AFF1: variants seen among roughly 807,000 people sequenced by gnomAD.
AFF1 encodes the protein AF4/FMR2 family member 1.
In AFF1, 48 loss-of-function variants were observed where a neutral mutation model predicts 121.7. The ratio of observed to expected loss-of-function variants is 0.39; its 90% CI spans 0.31 to 0.50. The LOEUF is 0.50. Among genes scored for constraint, AFF1 ranks in the 20% least tolerant of loss-of-function variants. The pLI is 0.76. For synonymous variants in AFF1, 613 were observed against 563.0 expected (o/e 1.09, Z -1.26); for missense variants, 1,523 against 1,511.7 (o/e 1.01, Z -0.12).
intron 1 of AFF1, among the ~76,000 whole-genome samples, chr4:86,946,523 C>T (rs996220654): frequency 7.4e-6 from 1 of 135,324 alleles, no homozygotes; most frequent in East Asian, 2.3e-4. Flanking sequence ...AGTAGAGTAG[C>T]TGGGAACACA....
chr4:86,993,440 C>A (rs1197400832), intron 2 of AFF1, among the ~76,000 whole-genome samples: 1 of 152,124 alleles, frequency 6.6e-6, no homozygotes, highest in Non-Finnish European at 1.5e-5. Context: ...CTTCCCCTTT[C>A]CTGATATGTG....
intron 6 of AFF1, among the ~76,000 whole-genome samples, chr4:87,091,381 G>A (rs1357190766): frequency 2.0e-5 from 3 of 152,048 alleles, no homozygotes; most frequent in Non-Finnish European, 2.9e-5. Flanking sequence ...CCAGCCTGGG[G>A]TAACAAAGCG....
At chr4:87,097,731 G>A (rs1318434639) in intron 8 of AFF1, among the ~76,000 whole-genome samples, 2 of 152,102 alleles carry the variant, frequency 1.3e-5, no homozygotes, top group African/African-American at 2.4e-5. Context: ...TATGTGGGGG[G>A]TAGACGTGGT....
intron 6 of AFF1, among the ~76,000 whole-genome samples, chr4:87,090,521 C>T (rs1264162442): frequency 6.6e-6 from 1 of 152,128 alleles, no homozygotes; most frequent in Non-Finnish European, 1.5e-5. Context: ...GTTTCTGTTA[C>T]AGTATTTATG....
chr4:86,995,287 TCCCCCTCTCC>T (rs1725042128), intron 2 of AFF1, among the ~76,000 whole-genome samples: 1 of 65,230 alleles, frequency 1.5e-5, no homozygotes, highest in Non-Finnish European at 2.8e-5. Context: ...CCCCTCTCCC[TCCCCCTCTCC>T]CTCCCTCCCC....
intron 4 of AFF1, chr4:87,049,821 T>C (rs971859374): frequency 2.2e-6 from 1 of 447,248 alleles, no homozygotes; most frequent in Non-Finnish European, 4.5e-6. Flanking sequence ...GGTGACCCCT[T>C]TGAGGGCAAA....
chr4:86,949,022 T>G (rs1326409774), intron 2 of AFF1, among the ~76,000 whole-genome samples: 2 of 152,176 alleles, frequency 1.3e-5, no homozygotes, highest in African/African-American at 4.8e-5. Flanking sequence ...ATTTAGTGCC[T>G]TCTTGCATAT....
At chr4:86,996,716 A>T (rs978199458) in intron 2 of AFF1, among the ~76,000 whole-genome samples, 3 of 147,420 alleles carry the variant, frequency 2.0e-5, no homozygotes, top group Admixed American at 2.0e-4. Flanking sequence ...CCCAAGAATG[A>T]TCAATTAAAA....
chr4:87,093,186 T>C (rs561006050), intron 7 of AFF1, among the ~76,000 whole-genome samples: 1 of 152,330 alleles, frequency 6.6e-6, no homozygotes, highest in East Asian at 1.9e-4. Context: ...GGTCAATTCC[T>C]TGTTACTCTG....
At chr4:87,109,881 G>C (rs1726287880) in intron 11 of AFF1, among the ~76,000 whole-genome samples, 1 of 152,164 alleles carries the variant, frequency 6.6e-6, no homozygotes, top group African/African-American at 2.4e-5. Context: ...ATGTATTGCA[G>C]ATCCAGGCTT....
At chr4:86,940,021 A>G (rs1471100528) in intron 1 of AFF1, among the ~76,000 whole-genome samples, 1 of 152,198 alleles carries the variant, frequency 6.6e-6, no homozygotes, top group African/African-American at 2.4e-5. Context: ...TACTTTTTTC[A>G]AGAACTATGA....
chr4:87,042,499 G>A (rs2149605026), intron 2 of AFF1, among the ~76,000 whole-genome samples: 1 of 152,300 alleles, frequency 6.6e-6, no homozygotes, highest in East Asian at 1.9e-4. Flanking sequence ...TGTGGGGAGA[G>A]CAAGTGTCTT....
chr4:87,081,670 G>A (rs1049108156), intron 4 of AFF1, among the ~76,000 whole-genome samples: 1 of 152,054 alleles, frequency 6.6e-6, no homozygotes, highest in African/African-American at 2.4e-5. Flanking sequence ...AATATGATAT[G>A]CCCTCATATA....
At chr4:86,961,321 A>G (rs934295238) in intron 2 of AFF1, among the ~76,000 whole-genome samples, 2 of 152,192 alleles carry the variant, frequency 1.3e-5, no homozygotes, top group Admixed American at 1.3e-4. Context: ...GCTTCCTTCC[A>G]TCACCGAACC....
At chr4:87,051,960 A>T (rs548951229) in intron 4 of AFF1, among the ~76,000 whole-genome samples, 3 of 152,306 alleles carry the variant, frequency 2.0e-5, no homozygotes, top group East Asian at 3.9e-4. Context: ...GGTGATGAGG[A>T]TGAGATGAAT....
At chr4:87,002,430 T>G (rs888355840) in intron 2 of AFF1, among the ~76,000 whole-genome samples, 8 of 142,022 alleles carry the variant, frequency 5.6e-5, no homozygotes, top group South Asian at 4.7e-4. Flanking sequence ...ATGAAGTTTT[T>G]TTTTTTTTTT....
In AFF1 at chr4:86,956,516, T is replaced by G. The variant is rs59154061; in HGVS notation, c.38+7945T>G. ...ACAGTTTAATTTTTAGTAACTTTAC[T>G]GAGTTGTGCAACCATTACTACAATC... On this transcript the variant is annotated intron_variant, in intron 2 of 20. Coordinates refer to ENST00000395146, the MANE Select transcript of AFF1 (RefSeq NM_001166693.3). Among the ~76,000 whole-genome samples the G allele has an allele frequency of 1.3e-3, 203 of 152,352 alleles. 1 individual carries two copies. Among genetic ancestry groups the G allele is most frequent in the African/African-American group, 4.6e-3 (192 of 41,586 alleles).
chr4:87,076,249 AAAT>A (rs1328616892), intron 4 of AFF1, among the ~76,000 whole-genome samples: 1 of 124,258 alleles, frequency 8.0e-6, no homozygotes, highest in African/African-American at 3.2e-5. Flanking sequence ...CATTATTTTA[AAAT>A]AATCTTTTTT....
At chr4:87,057,284 G>T (rs1720248464) in intron 4 of AFF1, among the ~76,000 whole-genome samples, 1 of 152,094 alleles carries the variant, frequency 6.6e-6, no homozygotes, top group South Asian at 2.1e-4. Context: ...GCAAGATAGG[G>T]CCAGCTTTTG....
Sources: gnomAD v4.1 joint callset for allele counts (sites outside exome capture counted in the v4.1 genomes callset) on GRCh38, gnomAD v4.1.1 for gene constraint, MANE v1.5 for transcripts, NCBI Gene and HGNC (gene_info 2026-07-23, HGNC 2026-07-21) for gene names.